Variants in NTRK3 observed in about 807,000 individuals in gnomAD.
NTRK3 encodes the protein neurotrophic receptor tyrosine kinase 3.
A neutral mutation model predicts 91.7 loss-of-function variants in NTRK3; 24 were observed. That is an observed-to-expected ratio of 0.26 (90% CI 0.19 to 0.37). The LOEUF (loss-of-function observed/expected upper bound fraction) is 0.37, where lower values mean the gene tolerates loss of function less well. Ranked by LOEUF, NTRK3 falls within the 10% of genes least tolerant of loss-of-function variation. The probability of loss-of-function intolerance (pLI) is 1.00; values close to 1 mark genes in which losing one functional copy is unlikely to be tolerated. For synonymous variants in NTRK3, 483 were observed against 404.0 expected, an observed-to-expected ratio of 1.20 and a Z score of -2.34; for missense variants, 880 against 1,068.9, an observed-to-expected ratio of 0.82 and a Z score of 2.46.
chr15:88,142,662 G>T (rs1452442973), intron 6 of NTRK3, among the ~76,000 whole-genome samples: 4 of 152,210 alleles, frequency 2.6e-5, no homozygotes, highest in African/African-American at 9.6e-5. Flanking sequence ...ATCAGCACAG[G>T]CCTCCTTGAG....
In NTRK3 at chr15:87,913,367, T is replaced by G. The variant is rs75272551; in HGVS notation, c.2133+15824A>C. Among the ~76,000 whole-genome samples, 934 of 152,204 alleles carry G rather than the reference T, an allele frequency of 6.1e-3. 17 individuals carry two copies. Among genetic ancestry groups the G allele is most frequent in the East Asian group, 0.034 (177 of 5,144 alleles). ...CCCTCCACTTGTGTGAATCCAAGGT[T>G]AGAGCATGCCTAACAGGGTCCAGCA... is the stretch of plus-strand genomic sequence containing the variant. On this transcript the variant is annotated intron_variant, in intron 17 of 18. Coordinates refer to ENST00000394480, the Ensembl canonical transcript of NTRK3.
At chr15:88,125,084 A>G (rs982744161) in intron 13 of NTRK3, among the ~76,000 whole-genome samples, 4 of 152,122 alleles carry the variant, frequency 2.6e-5, no homozygotes, top group Admixed American at 6.5e-5. Flanking sequence ...TGCTCAATCA[A>G]TCTTCCCACC....
intron 5 of NTRK3, among the ~76,000 whole-genome samples, chr15:88,150,682 T>C (rs1434237416): frequency 1.3e-5 from 2 of 152,100 alleles, no homozygotes; most frequent in East Asian, 3.9e-4. Flanking sequence ...AGGGTTGCAG[T>C]GTGCACAACC....
intron 6 of NTRK3, among the ~76,000 whole-genome samples, chr15:88,140,236 G>A (rs1160374244): frequency 6.6e-6 from 1 of 152,112 alleles, no homozygotes; most frequent in East Asian, 1.9e-4. Flanking sequence ...CTGGAGAGGA[G>A]GAAAACTAGA....
chr15:88,102,126 C>T (rs2050237259), intron 13 of NTRK3, among the ~76,000 whole-genome samples: 1 of 152,184 alleles, frequency 6.6e-6, no homozygotes, highest in African/African-American at 2.4e-5. Flanking sequence ...GTGACCTCTG[C>T]CCCTGCTTCA....
intron 3 of NTRK3, among the ~76,000 whole-genome samples, chr15:88,204,717 A>G (rs2048594850): frequency 6.6e-6 from 1 of 152,232 alleles, no homozygotes; most frequent in African/African-American, 2.4e-5. Context: ...CCCAAGCCAC[A>G]GACTCTCATT....
chr15:88,122,243 T>C (rs1470313661), intron 13 of NTRK3, among the ~76,000 whole-genome samples: 2 of 152,228 alleles, frequency 1.3e-5, no homozygotes, highest in Non-Finnish European at 2.9e-5. Context: ...TGTGTACATA[T>C]ACATATAGGT....
chr15:87,914,324 G>GCAGATGT (rs1181593428), intron 17 of NTRK3, among the ~76,000 whole-genome samples: 1 of 152,140 alleles, frequency 6.6e-6, no homozygotes, highest in Non-Finnish European at 1.5e-5. Flanking sequence ...GCACTGATAA[G>GCAGATGT]CAGATGTCAG....
chr15:88,122,611 G>A (rs2052838295), intron 13 of NTRK3, among the ~76,000 whole-genome samples: 1 of 152,138 alleles, frequency 6.6e-6, no homozygotes, highest in African/African-American at 2.4e-5. Flanking sequence ...GAGGGAATAT[G>A]GGTGTTTGTT....
intron 14 of NTRK3, among the ~76,000 whole-genome samples, chr15:87,958,489 C>T (rs539223095): frequency 6.6e-6 from 1 of 152,096 alleles, no homozygotes; most frequent in South Asian, 2.1e-4. Flanking sequence ...CCGAAAAGAA[C>T]TCTTGCTTCT....
chr15:88,208,217 T>C (rs1449204219), intron 3 of NTRK3, among the ~76,000 whole-genome samples: 2 of 151,966 alleles, frequency 1.3e-5, no homozygotes, highest in Admixed American at 1.3e-4. Flanking sequence ...AAGGCTTCCA[T>C]CTCTCAAAGT....
At chr15:88,248,061 G>A (rs2053009239) in intron 3 of NTRK3, among the ~76,000 whole-genome samples, 1 of 152,184 alleles carries the variant, frequency 6.6e-6, no homozygotes, top group Non-Finnish European at 1.5e-5. Flanking sequence ...GGCTCTCGCT[G>A]GCCATGAGCA....
intron 3 of NTRK3, among the ~76,000 whole-genome samples, chr15:88,203,971 A>G (rs76785250): frequency 0.064 from 9,697 of 152,152 alleles, 957 homozygotes; most frequent in African/African-American, 0.21. Flanking sequence ...CTATCAACCC[A>G]TCATCTACAT....
intron 13 of NTRK3, among the ~76,000 whole-genome samples, chr15:88,121,398 T>G (rs1205116452): frequency 6.6e-6 from 1 of 152,132 alleles, no homozygotes; most frequent in African/African-American, 2.4e-5. Flanking sequence ...CCAAAGCAAG[T>G]CACTTCCTTG....
At chr15:88,072,050 G>A (rs1416185499) in intron 13 of NTRK3, among the ~76,000 whole-genome samples, 3 of 142,788 alleles carry the variant, frequency 2.1e-5, no homozygotes, top group Non-Finnish European at 4.5e-5. Context: ...CTGTTGCCCT[G>A]ACTGGAGTGC....
intron 15 of NTRK3, among the ~76,000 whole-genome samples, chr15:87,935,921 C>T (rs944741111): frequency 5.3e-5 from 8 of 152,200 alleles, no homozygotes; most frequent in African/African-American, 1.9e-4. Context: ...GGCTTTCCAG[C>T]TCTTGAGTCA....
At chr15:88,184,083 T>G (rs1022682405) in intron 4 of NTRK3, 142 bp downstream of exon 4, 8 of 796,784 alleles carry the variant, frequency 1.0e-5, no homozygotes, top group Middle Eastern at 3.4e-4. Context: ...AAGTGCATAT[T>G]GCCAACTCTA....
intron 14 of NTRK3, among the ~76,000 whole-genome samples, chr15:87,941,689 G>A (rs1417323246): frequency 6.6e-6 from 1 of 152,192 alleles, no homozygotes; most frequent in Admixed American, 6.5e-5. Context: ...AAGAACGAGG[G>A]TGTGTGCAGA....
At chr15:88,066,683 C>G (rs1201580236) in intron 13 of NTRK3, among the ~76,000 whole-genome samples, 2 of 152,190 alleles carry the variant, frequency 1.3e-5, no homozygotes, top group Non-Finnish European at 2.9e-5. Flanking sequence ...GCCCTGAGGA[C>G]CTGCAGGCAG....
Sources: allele counts gnomAD v4.1 joint callset (sites outside exome capture counted in the v4.1 genomes callset), GRCh38; gene constraint gnomAD v4.1.1; transcripts MANE v1.5; gene names NCBI Gene and HGNC (gene_info 2026-07-23, HGNC 2026-07-21).